NLGN1: variants seen among roughly 807,000 people sequenced by gnomAD.
The protein encoded by NLGN1 is neuroligin 1.
Under a neutral mutation model 65.5 loss-of-function variants are expected in NLGN1, and 12 were observed. That is an observed-to-expected ratio of 0.18 (90% CI 0.12 to 0.30). The LOEUF is 0.30. Ranked by LOEUF, NLGN1 falls within the 10% of genes least tolerant of loss-of-function variation. NLGN1 has a pLI of 1.00. For missense variants in NLGN1, 750 were observed against 1,007.1 expected (o/e 0.74, Z 3.46); for synonymous variants, 350 against 359.5 (o/e 0.97, Z 0.30).
intron 4 of NLGN1, among the ~76,000 whole-genome samples, chr3:173,966,763 G>A (rs553909922): frequency 3.5e-4 from 54 of 152,138 alleles, no homozygotes; most frequent in Non-Finnish European, 6.6e-4. Flanking sequence ...TCTTAAAATA[G>A]CATCATTGTA....
At chr3:174,223,696 T>C (rs1739082303) in intron 4 of NLGN1, among the ~76,000 whole-genome samples, 1 of 152,186 alleles carries the variant, frequency 6.6e-6, no homozygotes, top group Non-Finnish European at 1.5e-5. Context: ...TTTTAATAAA[T>C]GTTTTTCAAA....
intron 4 of NLGN1, among the ~76,000 whole-genome samples, chr3:173,954,428 T>C (rs952302888): frequency 6.6e-6 from 1 of 152,084 alleles, no homozygotes; most frequent in Non-Finnish European, 1.5e-5. Context: ...GTAACTGCTG[T>C]CATTGGGAAA....
At chr3:174,236,102 A>G (rs1206760154) in intron 4 of NLGN1, among the ~76,000 whole-genome samples, 1 of 152,172 alleles carries the variant, frequency 6.6e-6, no homozygotes, top group Admixed American at 6.5e-5. Context: ...AGTCGTGATC[A>G]AATGAATGTT....
At chr3:173,846,408 G>A (rs917919382) in intron 4 of NLGN1, among the ~76,000 whole-genome samples, 5 of 152,104 alleles carry the variant, frequency 3.3e-5, no homozygotes, top group African/African-American at 7.2e-5. Flanking sequence ...TCCCATGTGG[G>A]GTACAATGGA....
At chr3:173,489,752 T>C (rs1728791394) in intron 2 of NLGN1, among the ~76,000 whole-genome samples, 1 of 151,728 alleles carries the variant, frequency 6.6e-6, no homozygotes, top group Non-Finnish European at 1.5e-5. Context: ...ACCTGTTGTT[T>C]CCTGACTTTT....
At chr3:173,717,373 C>T (rs1371438497) in intron 3 of NLGN1, among the ~76,000 whole-genome samples, 1 of 152,000 alleles carries the variant, frequency 6.6e-6, no homozygotes, top group African/African-American at 2.4e-5. Flanking sequence ...CCATTTTTTA[C>T]AAAAGAAATG....
chr3:173,509,201 CAT>C (rs1178423246), intron 2 of NLGN1, among the ~76,000 whole-genome samples: 1 of 152,146 alleles, frequency 6.6e-6, no homozygotes, highest in Non-Finnish European at 1.5e-5. Flanking sequence ...AAAATTCTAA[CAT>C]AACCTATTCA....
chr3:173,408,944 A>G lies in NLGN1; in HGVS notation c.-390+10457A>G, dbSNP rs117825028. Among the ~76,000 whole-genome samples, 139 of 151,590 alleles carry G rather than the reference A, an allele frequency of 9.2e-4. 1 individual carries two copies. In the East Asian group the frequency reaches 0.024, roughly 26 times the overall value. ...AAAAAAAAAGAATAGGTGCATTACA[A>G]CTCTGCCAGTTGTAACTCAAAATAC... On this transcript the variant is annotated intron_variant, in intron 1 of 6. Coordinates refer to ENST00000457714, the Ensembl canonical transcript of NLGN1.
At chr3:174,098,598 G>A (rs1213098892) in intron 4 of NLGN1, among the ~76,000 whole-genome samples, 1 of 152,142 alleles carries the variant, frequency 6.6e-6, no homozygotes, top group African/African-American at 2.4e-5. Flanking sequence ...TTTCACTAGA[G>A]TATAGAATGG....
intron 4 of NLGN1, among the ~76,000 whole-genome samples, chr3:174,011,792 T>C (rs1222305698): frequency 6.6e-6 from 1 of 152,094 alleles, no homozygotes; most frequent in Non-Finnish European, 1.5e-5. Context: ...TTCATATTGT[T>C]CCAGACACTG....
intron 3 of NLGN1, among the ~76,000 whole-genome samples, chr3:173,682,255 T>C (rs1764044045): frequency 6.6e-6 from 1 of 152,094 alleles, no homozygotes; most frequent in South Asian, 2.1e-4. Flanking sequence ...AAATTTTTCA[T>C]ACAAATATTG....
intron 2 of NLGN1, among the ~76,000 whole-genome samples, chr3:173,465,193 C>T (rs555564735): frequency 5.9e-5 from 9 of 152,234 alleles, no homozygotes; most frequent in Middle Eastern, 3.4e-3. Flanking sequence ...CTGTGTCCTG[C>T]GACTCAGGAA....
chr3:173,557,871 A>G (rs780299626), intron 2 of NLGN1, among the ~76,000 whole-genome samples: 2 of 152,100 alleles, frequency 1.3e-5, no homozygotes, highest in Non-Finnish European at 2.9e-5. Flanking sequence ...TCAAATTTCT[A>G]CCTGGCATCA....
chr3:174,152,680 A>G (rs1646159169), intron 4 of NLGN1, among the ~76,000 whole-genome samples: 2 of 152,024 alleles, frequency 1.3e-5, no homozygotes, highest in South Asian at 4.1e-4. Context: ...AATTAATAGT[A>G]CTTTGCTTAT....
At chr3:173,897,304 T>C (rs985086882) in intron 4 of NLGN1, among the ~76,000 whole-genome samples, 9 of 152,222 alleles carry the variant, frequency 5.9e-5, no homozygotes, top group African/African-American at 2.2e-4. Context: ...AATCATAAAA[T>C]ATCTACTATC....
intron 4 of NLGN1, among the ~76,000 whole-genome samples, chr3:174,265,700 C>G (rs972060018): frequency 6.7e-6 from 1 of 150,068 alleles, no homozygotes; most frequent in Non-Finnish European, 1.5e-5. Context: ...ATCTTTTTTC[C>G]GAATTCCTTA....
At chr3:174,139,042 A>T (rs947904853) in intron 4 of NLGN1, among the ~76,000 whole-genome samples, 1 of 152,172 alleles carries the variant, frequency 6.6e-6, no homozygotes, top group Non-Finnish European at 1.5e-5. Flanking sequence ...AATATTTTGT[A>T]GTAAAATTAA....
At chr3:173,853,712 T>G (rs1410756926) in intron 4 of NLGN1, among the ~76,000 whole-genome samples, 1 of 152,074 alleles carries the variant, frequency 6.6e-6, no homozygotes, top group East Asian at 1.9e-4. Flanking sequence ...CTTAGAAGTT[T>G]GCTTTATTTA....
chr3:173,876,435 A>G (rs1048283497), intron 4 of NLGN1, among the ~76,000 whole-genome samples: 3 of 152,184 alleles, frequency 2.0e-5, no homozygotes, highest in African/African-American at 7.2e-5. Context: ...AAATTGAAAC[A>G]CTTCTTGCAA....
Sources: gnomAD v4.1 joint callset for allele counts (sites outside exome capture counted in the v4.1 genomes callset) on GRCh38, gnomAD v4.1.1 for gene constraint, MANE v1.5 for transcripts, NCBI Gene and HGNC (gene_info 2026-07-23, HGNC 2026-07-21) for gene names.